The following RUBCN variants were observed in gnomAD, a reference collection of about 807,000 sequenced individuals.
RUBCN encodes the protein rubicon autophagy regulator.
Under a neutral mutation model 113.2 loss-of-function variants are expected in RUBCN, and 74 were observed. The ratio of observed to expected loss-of-function variants is 0.65; its 90% CI spans 0.54 to 0.79. The LOEUF (loss-of-function observed/expected upper bound fraction) is 0.79, where lower values mean the gene tolerates loss of function less well. Among genes scored for constraint, RUBCN ranks in the 30% least tolerant of loss-of-function variants. The pLI, the probability that RUBCN is intolerant of heterozygous loss-of-function variation, is 0.00. For synonymous variants in RUBCN, 480 were observed against 490.0 expected, an observed-to-expected ratio of 0.98 and a Z score of 0.27; for missense variants, 1,109 against 1,251.7, an observed-to-expected ratio of 0.89 and a Z score of 1.72.
Position 197,699,011 on chromosome 3 carries a change from T to C in RUBCN, c.1261+1602A>G, listed in dbSNP as rs533515443. On this transcript the variant is annotated intron_variant, in intron 7 of 19. Transcript: ENST00000296343. ...GAGAGACTGAACGAGGCATTTGGAA[T>C]TGTGTATAGAAAACACATCATATGA... Among the ~76,000 whole-genome samples, 28 of 152,238 alleles carry C rather than the reference T, an allele frequency of 1.8e-4. 1 individual carries two copies. The South Asian group carries it at 5.6e-3, about 30-fold the overall frequency.
chr3:197,707,136 G>A (rs904895611), intron 2 of RUBCN, among the ~76,000 whole-genome samples: 7 of 142,804 alleles, frequency 4.9e-5, no homozygotes, highest in Non-Finnish European at 1.0e-4. Context: ...GAGGTCAGGA[G>A]GTCAAGACCA....
chr3:197,683,790 C>T lies in RUBCN; in HGVS notation c.1848-351G>A, dbSNP rs748166992. Among the ~76,000 whole-genome samples the T allele has an allele frequency of 1.6e-4, 25 of 152,246 alleles. No homozygotes were observed. The East Asian group carries it at 2.9e-3, about 18-fold the overall frequency. On this transcript the variant is annotated intron_variant, in intron 12 of 19. Coordinates refer to ENST00000296343, the MANE Select transcript of RUBCN (RefSeq NM_014687.4). This position sits in a 1 kb window ranked among gnomAD's most constrained non-coding sequence, Gnocchi z 4.6. ...TTTGTGGACTACAAAGCGATTTTTC[C>T]TCCCAAATGAGCTACTGTGTCCCCT...
At chr3:197,717,125 C>CACAA (rs112014110) in intron 2 of RUBCN, among the ~76,000 whole-genome samples, 18,224 of 142,374 alleles carry the variant, frequency 0.13, 1,372 homozygotes, top group African/African-American at 0.22. Context: ...CGTCTCAAAA[C>CACAA]ACAAACAAAC....
chr3:197,682,704 G>T, intron 13 of RUBCN, 89 bp from the exon 14 acceptor site: 1 of 1,562,118 alleles, frequency 6.4e-7, no homozygotes, highest in South Asian at 1.1e-5. Context: ...GGATGGGCAG[G>T]AGAAAAACAC....
In RUBCN at chr3:197,701,235, T is replaced by C. The variant is rs1304652270; in HGVS notation, c.728-89A>G. On this transcript the variant is annotated intron_variant, in intron 6 of 19. Transcript: ENST00000296343. Reference sequence around the variant, plus strand: ...AGGACTGGGTGACCAGGACATACGATGTCACCTCAGAAACGGCAAGCCAAA... The same window carrying C: ...AGGACTGGGTGACCAGGACATACGACGTCACCTCAGAAACGGCAAGCCAAA... 4 of 1,198,098 alleles carry C rather than the reference T, an allele frequency of 3.3e-6. No individual in the cohort carries two copies. The South Asian group carries it at 4.8e-5, about 14-fold the overall frequency. 74.2% of individuals were successfully genotyped at this position (1,198,098 alleles called of 1,614,324 possible).
At chr3:197,679,512 TCTAA>T (rs1414148154) in intron 16 of RUBCN, among the ~76,000 whole-genome samples, 257 of 134,232 alleles carry the variant, frequency 1.9e-3, no homozygotes, top group South Asian at 5.9e-3. Flanking sequence ...TGTCCTACGC[TCTAA>T]CTGACAACTG....
chr3:197,682,325 G>A (rs2108851721), intron 14 of RUBCN, 145 bp downstream of exon 14: 2 of 972,864 alleles, frequency 2.1e-6, no homozygotes, highest in East Asian at 5.3e-5. Flanking sequence ...AGGACCAAAT[G>A]GACGACGCCC....
chr3:197,720,120 TCCTG>T (rs1394444252), intron 1 of RUBCN, among the ~76,000 whole-genome samples: 3 of 151,820 alleles, frequency 2.0e-5, no homozygotes, highest in East Asian at 1.9e-4. Context: ...AACGTACTCC[TCCTG>T]CCTAACTACA....
intron 7 of RUBCN, among the ~76,000 whole-genome samples, chr3:197,698,577 AAAAAAAC>A (rs1478976642): frequency 6.6e-6 from 1 of 152,096 alleles, no homozygotes; most frequent in East Asian, 1.9e-4. Context: ...GAAAAAAAAC[AAAAAAAC>A]AAAAAACAAA....
chr3:197,693,748 A>C lies in RUBCN; in HGVS notation c.1753T>G (p.Ser585Ala). ...RDSAQLSDSG[S>A]ADEVDEFEIQ... ...TCAAATTCATCAACCTCATCAGCAG[A>C]GCCAGAGTCAGAGAGCTGTGCCGAA... Residue 585 changes from serine (S) to alanine (A), a missense_variant, in exon 11 of 20, where the codon TCT becomes GCT. Transcript: ENST00000296343. 1 of 1,613,958 alleles carries C rather than the reference A, an allele frequency of 6.2e-7. No homozygotes were observed. The highest frequency in any genetic ancestry group is 8.5e-7 in the Non-Finnish European group (1 of 1,179,810).
rs1580112251 is a variant in RUBCN, at chr3:197,671,490, T to C, written c.*3528A>G. On this transcript the variant is annotated 3_prime_UTR_variant, in exon 20 of 20. Coordinates refer to ENST00000296343, the MANE Select transcript of RUBCN (RefSeq NM_014687.4). ...GGAGTAGGAATGAGACGATGCGTGATGAGCTCAGTGTGCCACTTACAGAGG... is the reference window on the plus strand; with the variant it reads ...GGAGTAGGAATGAGACGATGCGTGACGAGCTCAGTGTGCCACTTACAGAGG... 6.6e-6 allele frequency: 1 copy of C among 152,318 alleles called. No individual in the cohort carries two copies. The highest frequency in any genetic ancestry group is 1.9e-4 in the East Asian group (1 of 5,182). 9.4% of individuals were successfully genotyped at this position (152,318 alleles called of 1,614,324 possible).
intron 6 of RUBCN, among the ~76,000 whole-genome samples, chr3:197,701,374 G>A (rs1723649205): frequency 6.6e-6 from 1 of 152,192 alleles, no homozygotes; most frequent in African/African-American, 2.4e-5. Context: ...TAAGAGGACT[G>A]TTTGAAGGCT....
In RUBCN at chr3:197,683,111, C is replaced by T. The variant is rs1053238536; in HGVS notation, c.1980+196G>A. Among the ~76,000 whole-genome samples, 8 of 152,362 alleles carry T rather than the reference C, an allele frequency of 5.3e-5. No homozygotes were observed. The South Asian group carries it at 1.0e-3, about 20-fold the overall frequency. On this transcript the variant is annotated intron_variant, in intron 13 of 19. Transcript: ENST00000296343. This position sits in a 1 kb window ranked among gnomAD's most constrained non-coding sequence, Gnocchi z 4.6. ...GTCACGTGAATAAGGACCGCGAACG[C>T]GCCGTCATCTCTGCTCTGACAAGGT... is the stretch of plus-strand genomic sequence containing the variant.
chr3:197,721,849 T>C (rs1368884387), intron 1 of RUBCN, among the ~76,000 whole-genome samples: 5 of 152,220 alleles, frequency 3.3e-5, no homozygotes, highest in Non-Finnish European at 7.3e-5. Context: ...ACCAACTGGT[T>C]GTTCAGGAGC....
At chr3:197,705,620 T>C (rs149538917) in intron 2 of RUBCN, among the ~76,000 whole-genome samples, 3 of 151,226 alleles carry the variant, frequency 2.0e-5, no homozygotes, top group Non-Finnish European at 4.4e-5. Flanking sequence ...AATACTACAC[T>C]TGACATATGT....
intron 5 of RUBCN, 51 bp from the exon 6 acceptor site, chr3:197,701,915 C>T: frequency 6.4e-7 from 1 of 1,570,124 alleles, no homozygotes; most frequent in Non-Finnish European, 8.7e-7. Context: ...GGACAAAGGG[C>T]CTCAGAGTGG....
chr3:197,749,202 C>T (rs1728894487), intron 1 of RUBCN: 1 of 827,908 alleles, frequency 1.2e-6, no homozygotes, highest in Non-Finnish European at 1.5e-6. Flanking sequence ...AGTAAACGAA[C>T]CCTTCTATCC....
intron 1 of RUBCN, among the ~76,000 whole-genome samples, chr3:197,734,050 G>A (rs888968100): frequency 6.6e-6 from 1 of 152,244 alleles, no homozygotes; most frequent in Admixed American, 6.5e-5. Flanking sequence ...GAGGTCAGGA[G>A]TTTGAGACCA....
At chr3:197,685,472 T>C (rs1721736314) in intron 11 of RUBCN, among the ~76,000 whole-genome samples, 1 of 152,200 alleles carries the variant, frequency 6.6e-6, no homozygotes, top group Non-Finnish European at 1.5e-5. Flanking sequence ...TCTGGACAAC[T>C]AGATTATAAA....
Sources: allele counts gnomAD v4.1 joint callset (sites outside exome capture counted in the v4.1 genomes callset), GRCh38; gene constraint gnomAD v4.1.1; non-coding constraint Gnocchi (gnomAD v3.1); transcripts MANE v1.5; gene names NCBI Gene and HGNC (gene_info 2026-07-23, HGNC 2026-07-21).